Variants in STIM2 observed in about 807,000 individuals in gnomAD.
STIM2 encodes stromal interaction molecule 2.
Under a neutral mutation model 85.8 loss-of-function variants are expected in STIM2, and 31 were observed. The ratio of observed to expected loss-of-function variants is 0.36; its 90% CI spans 0.27 to 0.49. The LOEUF is 0.49. Ranked by LOEUF, STIM2 falls within the 20% of genes least tolerant of loss-of-function variation. STIM2 has a pLI of 0.98. For synonymous variants in STIM2, 356 were observed against 331.1 expected, an observed-to-expected ratio of 1.08 and a Z score of -0.82; for missense variants, 841 against 927.6, an observed-to-expected ratio of 0.91 and a Z score of 1.21.
chr4:27,003,980 A>G (rs1728247361), intron 7 of STIM2, among the ~76,000 whole-genome samples: 1 of 152,238 alleles, frequency 6.6e-6, no homozygotes, highest in South Asian at 2.1e-4. Flanking sequence ...AATGAGGATT[A>G]TAAAACTTGC....
chr4:26,975,055 A>G (rs1420766057), intron 3 of STIM2, among the ~76,000 whole-genome samples: 2 of 151,796 alleles, frequency 1.3e-5, no homozygotes, highest in African/African-American at 4.8e-5. Context: ...TGCATGTGTC[A>G]TGAAGTTCTC....
chr4:26,861,532 G>A (rs1182565138), intron 1 of STIM2, 163 bp downstream of exon 1: 2 of 1,116,574 alleles, frequency 1.8e-6, no homozygotes, highest in Non-Finnish European at 2.3e-6. Flanking sequence ...CTGCACTCCG[G>A]ACGTCTTTCC....
intron 3 of STIM2, among the ~76,000 whole-genome samples, chr4:26,961,442 A>G (rs1415221225): frequency 6.6e-6 from 1 of 152,210 alleles, no homozygotes; most frequent in Non-Finnish European, 1.5e-5. Context: ...AAAGTAATTC[A>G]TGTTACAGCA....
intron 1 of STIM2, among the ~76,000 whole-genome samples, chr4:26,864,808 A>C (rs1722336934): frequency 6.6e-6 from 1 of 152,286 alleles, no homozygotes; most frequent in East Asian, 1.9e-4. Flanking sequence ...CACTTTACCC[A>C]GTACTGTTAC....
At chr4:26,998,801 A>G (rs1728048473) in intron 4 of STIM2, among the ~76,000 whole-genome samples, 1 of 151,814 alleles carries the variant, frequency 6.6e-6, no homozygotes, top group African/African-American at 2.4e-5. Flanking sequence ...AGTCCCAGCT[A>G]CTTGGGAGGC....
chr4:26,967,885 C>T (rs901747378), intron 3 of STIM2, among the ~76,000 whole-genome samples: 3 of 151,822 alleles, frequency 2.0e-5, no homozygotes, highest in South Asian at 2.1e-4. Flanking sequence ...TAGCTTGACA[C>T]GAGAAATATG....
At chr4:26,872,198 CAGTT>C (rs931848310) in intron 1 of STIM2, among the ~76,000 whole-genome samples, 2 of 152,048 alleles carry the variant, frequency 1.3e-5, no homozygotes, top group African/African-American at 4.8e-5. Flanking sequence ...TAGTTTGAGG[CAGTT>C]AGTTGATCTA....
chr4:27,021,230 C>G, intron 11 of STIM2: 1 of 587,802 alleles, frequency 1.7e-6, no homozygotes, highest in South Asian at 2.2e-5. Flanking sequence ...GCTCCTTGTC[C>G]TTATTTATTT....
intron 2 of STIM2, among the ~76,000 whole-genome samples, chr4:26,951,577 T>C (rs1199550326): frequency 1.3e-5 from 2 of 152,134 alleles, no homozygotes; most frequent in African/African-American, 2.4e-5. Context: ...GTCTGTTTTT[T>C]AGTTGTTTTT....
chr4:26,962,783 T>C (rs115048145), intron 3 of STIM2, among the ~76,000 whole-genome samples: 2,569 of 152,278 alleles, frequency 0.017, 35 homozygotes, highest in Non-Finnish European at 0.027. Flanking sequence ...ATGCAGGAAA[T>C]TGTACATAGA....
chr4:26,892,146 A>G (rs572929315), intron 1 of STIM2, among the ~76,000 whole-genome samples: 1 of 152,346 alleles, frequency 6.6e-6, no homozygotes, highest in African/African-American at 2.4e-5. Flanking sequence ...TAAGTCCAGT[A>G]AACCTCTTTC....
intron 1 of STIM2, among the ~76,000 whole-genome samples, chr4:26,896,048 C>G (rs1723686725): frequency 1.3e-5 from 2 of 152,152 alleles, no homozygotes; most frequent in African/African-American, 4.8e-5. Context: ...GCATGGAGTC[C>G]TCTTCCAGGC....
At chr4:26,952,311 G>A (rs947010120) in intron 2 of STIM2, among the ~76,000 whole-genome samples, 2 of 152,102 alleles carry the variant, frequency 1.3e-5, no homozygotes, top group African/African-American at 4.8e-5. Context: ...GCTGTTGTTT[G>A]TAGATTTAAT....
At chr4:27,016,214 T>C (rs1207339128) in intron 10 of STIM2, among the ~76,000 whole-genome samples, 6 of 152,240 alleles carry the variant, frequency 3.9e-5, no homozygotes, top group South Asian at 2.1e-4. Flanking sequence ...TTTATTGTTA[T>C]ATAGTTTCAT....
intron 7 of STIM2, among the ~76,000 whole-genome samples, chr4:27,003,869 G>C (rs538594265): frequency 6.6e-6 from 1 of 152,038 alleles, no homozygotes; most frequent in Non-Finnish European, 1.5e-5. Context: ...ATGCCCCTTC[G>C]TCTGTCTTGA....
At chr4:26,910,237 G>A (rs763348578) in intron 1 of STIM2, among the ~76,000 whole-genome samples, 3 of 152,020 alleles carry the variant, frequency 2.0e-5, no homozygotes, top group African/African-American at 4.8e-5. Flanking sequence ...AAATTAGAAA[G>A]CCGGCTGGTC....
chr4:27,004,722 G>T (rs1489038811), intron 7 of STIM2, among the ~76,000 whole-genome samples: 1 of 152,022 alleles, frequency 6.6e-6, no homozygotes, highest in Non-Finnish European at 1.5e-5. Flanking sequence ...GTGATGTATT[G>T]GTATTATTGG....
chr4:27,018,045 A>C, intron 11 of STIM2, 61 bp downstream of exon 11: 13 of 1,164,352 alleles, frequency 1.1e-5, no homozygotes, highest in Non-Finnish European at 1.7e-5. Context: ...AGGTGTGAGG[A>C]GGGGGCGGGA....
chr4:26,956,984 A>G (rs1726270125), intron 2 of STIM2, among the ~76,000 whole-genome samples: 1 of 152,098 alleles, frequency 6.6e-6, no homozygotes, highest in Non-Finnish European at 1.5e-5. Flanking sequence ...CTCTGTATGG[A>G]CAGATATACA....
Sources: gnomAD v4.1 joint callset for allele counts (sites outside exome capture counted in the v4.1 genomes callset) on GRCh38, gnomAD v4.1.1 for gene constraint, MANE v1.5 for transcripts, NCBI Gene and HGNC (gene_info 2026-07-23, HGNC 2026-07-21) for gene names.